RAB6A: variants seen among roughly 807,000 people sequenced by gnomAD.
RAB6A encodes ras-related protein Rab-6A.
In RAB6A, 8 loss-of-function variants were observed where a neutral mutation model predicts 32.3. The ratio of observed to expected loss-of-function variants is 0.25; its 90% CI spans 0.15 to 0.45. The LOEUF is 0.45. Among genes scored for constraint, RAB6A ranks in the 20% least tolerant of loss-of-function variants. The pLI, the probability that RAB6A is intolerant of heterozygous loss-of-function variation, is 1.00. For missense variants in RAB6A, 104 were observed against 249.4 expected, an observed-to-expected ratio of 0.42 and a Z score of 3.93; for synonymous variants, 73 against 82.1, an observed-to-expected ratio of 0.89 and a Z score of 0.60.
chr11:73,760,470 GGCGGGCAGGGAGCCTCC>G (rs1234840071), intron 1 of RAB6A, 79 bp downstream of exon 1: 1 of 1,452,730 alleles, frequency 6.9e-7, no homozygotes, highest in East Asian at 2.5e-5. Flanking sequence ...GCGGACGCGA[GGCGGGCAGGGAGCCTCC>G]GCGGACGGAA....
At chr11:73,730,699 A>T (rs541100474) in intron 2 of RAB6A, 66 bp downstream of exon 2, 85 of 1,315,498 alleles carry the variant, frequency 6.5e-5, no homozygotes, top group African/African-American at 1.2e-4. Context: ...ATAATTTTTT[A>T]AAAATATCTT....
intron 2 of RAB6A, chr11:73,729,921 G>C (rs1489041829): frequency 6.6e-6 from 1 of 152,342 alleles, no homozygotes; most frequent in Non-Finnish European, 1.5e-5. Context: ...ACCCTGTCTT[G>C]TGTGCCTCTT....
At chr11:73,697,962 G>A (rs1302508605) in intron 6 of RAB6A, among the ~76,000 whole-genome samples, 1 of 152,170 alleles carries the variant, frequency 6.6e-6, no homozygotes, top group Non-Finnish European at 1.5e-5. Flanking sequence ...GCTCACGCCT[G>A]TAACCCCAGC....
chr11:73,686,780 T>C (rs1296436626), intron 6 of RAB6A, among the ~76,000 whole-genome samples: 1 of 152,142 alleles, frequency 6.6e-6, no homozygotes, highest in East Asian at 1.9e-4. Flanking sequence ...ACTGCTATAT[T>C]CACATATCTA....
At position 73,739,288 on chromosome 11, in the gene RAB6A, T is replaced by A. The variant is rs1359004685; in HGVS notation, c.71-8465A>T. Among the ~76,000 whole-genome samples, 110 of 40,174 alleles carry A rather than the reference T, an allele frequency of 2.7e-3. 6 individuals are homozygous for A. The highest frequency in any genetic ancestry group is 6.4e-3 in the African/African-American group (83 of 13,024). 26.4% of individuals were successfully genotyped at this position (40,174 alleles called of 152,430 possible). On this transcript the variant is annotated intron_variant, in intron 1 of 7. Coordinates refer to ENST00000336083, the MANE Select transcript of RAB6A (RefSeq NM_198896.2). ...TAAAAAAAAAAAAAAAAAAAAAATA[T>A]ATATATATATATATATAAATACTGG...
At chr11:73,699,725 A>G (rs1040328598) in intron 6 of RAB6A, among the ~76,000 whole-genome samples, 1 of 152,196 alleles carries the variant, frequency 6.6e-6, no homozygotes, top group Non-Finnish European at 1.5e-5. Flanking sequence ...CACATTTTAC[A>G]TAACTTTTTA....
intron 7 of RAB6A, among the ~76,000 whole-genome samples, chr11:73,678,201 G>A (rs1945296066): frequency 6.6e-6 from 1 of 152,186 alleles, no homozygotes; most frequent in Admixed American, 6.5e-5. Context: ...CTATCCTAAG[G>A]AACTTATTCT....
intron 6 of RAB6A, among the ~76,000 whole-genome samples, chr11:73,695,940 A>AG (rs1282557684): frequency 1.1e-4 from 17 of 152,188 alleles, no homozygotes; most frequent in African/African-American, 3.9e-4. Flanking sequence ...AAATTTTTTT[A>AG]GGGATAATTT....
intron 7 of RAB6A, among the ~76,000 whole-genome samples, chr11:73,678,808 C>G (rs908776483): frequency 2.1e-4 from 32 of 151,106 alleles, no homozygotes; most frequent in Non-Finnish European, 3.5e-4. Context: ...TCACTGCAAC[C>G]TCTGCCTCCT....
chr11:73,713,028 A>G (rs1171945304), intron 5 of RAB6A, among the ~76,000 whole-genome samples: 1 of 152,100 alleles, frequency 6.6e-6, no homozygotes, highest in African/African-American at 2.4e-5. Context: ...TTCTTTTACT[A>G]TTATTAATAT....
intron 6 of RAB6A, among the ~76,000 whole-genome samples, chr11:73,685,593 T>TCTTTTTTTTTTTTTTTTTTA (rs1555054180): frequency 2.0e-5 from 3 of 147,072 alleles, no homozygotes; most frequent in Middle Eastern, 3.4e-3. Context: ...GGACTGAAAG[T>TCTTTTTTTTTTTTTTTTTTA]AGCGACCAGG....
intron 6 of RAB6A, among the ~76,000 whole-genome samples, chr11:73,700,599 A>AGTGT (rs1555056743): frequency 5.9e-4 from 5 of 8,444 alleles, no homozygotes; most frequent in African/African-American, 6.4e-4. Context: ...AAAAAAAAAA[A>AGTGT]GTGTGTGTGT....
intron 4 of RAB6A, among the ~76,000 whole-genome samples, chr11:73,717,527 C>A (rs1240369228): frequency 3.3e-5 from 5 of 152,202 alleles, no homozygotes; most frequent in Admixed American, 3.3e-4. Flanking sequence ...TCACTGCAAC[C>A]TCCGCCTCCC....
At chr11:73,734,301 T>C (rs978566615) in intron 1 of RAB6A, among the ~76,000 whole-genome samples, 1 of 152,112 alleles carries the variant, frequency 6.6e-6, no homozygotes, top group African/African-American at 2.4e-5. Flanking sequence ...AGTTTTTGTA[T>C]TTTTAGTAGA....
intron 1 of RAB6A, among the ~76,000 whole-genome samples, chr11:73,736,824 A>AAAAAAAAAAAAAAAAAAAAC (rs1555066487): frequency 1.4e-5 from 2 of 144,598 alleles, no homozygotes; most frequent in African/African-American, 2.6e-5. Flanking sequence ...AAAAAAAAAA[A>AAAAAAAAAAAAAAAAAAAAC]AACAATTAGC....
chr11:73,694,166 A>G (rs951986348), intron 6 of RAB6A, among the ~76,000 whole-genome samples: 17 of 152,196 alleles, frequency 1.1e-4, no homozygotes, highest in African/African-American at 3.9e-4. Context: ...GGATGATTCT[A>G]ATGTGCAGCT....
In RAB6A at chr11:73,737,526, T is replaced by C. The variant is rs74922987; in HGVS notation, c.71-6703A>G. Among the ~76,000 whole-genome samples, 541 of 152,178 alleles carry C rather than the reference T, an allele frequency of 3.6e-3. 20 individuals carry two copies. The East Asian group carries it at 0.074, about 21-fold the overall frequency. ...GAGCTAAATGATAATGAAATCATTA[T>C]AACATATGGCAAGCACTACCCATAA... On this transcript the variant is annotated intron_variant, in intron 1 of 7. Transcript: ENST00000336083.
intron 1 of RAB6A, among the ~76,000 whole-genome samples, chr11:73,745,805 C>T (rs1350340957): frequency 6.6e-6 from 1 of 151,948 alleles, no homozygotes; most frequent in Non-Finnish European, 1.5e-5. Context: ...GGACTCCAGC[C>T]TGGGTGACAG....
Position 73,680,314 on chromosome 11 carries a change from C to A in RAB6A, c.496-594G>T, listed in dbSNP as rs1320482526. 3.3e-5 allele frequency among the ~76,000 whole-genome samples: 5 copies of A among 152,158 alleles called. No individual in the cohort carries two copies. The South Asian group carries it at 8.3e-4, about 25-fold the overall frequency. On this transcript the variant is annotated intron_variant, in intron 6 of 7. Coordinates refer to ENST00000336083, the MANE Select transcript of RAB6A (RefSeq NM_198896.2). ...ACAGAAACGCAGAAAAAGGACAGAT[C>A]ATTCATTTAACAAAACTGTATAGTA...
Sources: gnomAD v4.1 joint callset for allele counts (sites outside exome capture counted in the v4.1 genomes callset) on GRCh38, gnomAD v4.1.1 for gene constraint, MANE v1.5 for transcripts, NCBI Gene and HGNC (gene_info 2026-07-23, HGNC 2026-07-21) for gene names.